TBC1D5: variants seen among roughly 807,000 people sequenced by gnomAD.
The protein encoded by TBC1D5 is TBC1 domain family member 5, also known as TBC1 domain family, member 5.
Under a neutral mutation model 100.3 loss-of-function variants are expected in TBC1D5, and 75 were observed. The ratio of observed to expected loss-of-function variants is 0.75; its 90% confidence interval spans 0.62 to 0.91. TBC1D5 has a LOEUF of 0.91. Ranked by LOEUF, TBC1D5 falls within the 40% of genes least tolerant of loss-of-function variation. The pLI is 0.00. For synonymous variants in TBC1D5, 323 were observed against 325.6 expected (o/e 0.99, Z 0.09); for missense variants, 910 against 942.4 (o/e 0.97, Z 0.45).
intron 15 of TBC1D5, among the ~76,000 whole-genome samples, chr3:17,258,794 T>C (rs1559503908): frequency 1.3e-5 from 2 of 152,160 alleles, no homozygotes; most frequent in Non-Finnish European, 2.9e-5. Context: ...TTTTCCTCTC[T>C]CATAGTTAAT....
exon 6 of TBC1D5, chr3:17,404,891 T>C: frequency 1.3e-6 from 2 of 1,596,260 alleles, no homozygotes; most frequent in Non-Finnish European, 1.7e-6. Context: ...AATGTTGCTA[T>C]ACCATGCTCT....
intron 1 of TBC1D5, among the ~76,000 whole-genome samples, chr3:17,626,380 T>C (rs1247254120): frequency 6.6e-6 from 1 of 152,136 alleles, no homozygotes; most frequent in African/African-American, 2.4e-5. Context: ...AGGCAACCAA[T>C]TAAGATTTAC....
intron 3 of TBC1D5, among the ~76,000 whole-genome samples, chr3:17,502,942 T>C (rs983517897): frequency 6.7e-6 from 1 of 149,686 alleles, no homozygotes; most frequent in Admixed American, 6.6e-5. Context: ...TTTCCATTGA[T>C]ACTTTCCAGT....
chr3:17,293,259 T>A (rs569219655), intron 14 of TBC1D5, among the ~76,000 whole-genome samples: 2 of 152,284 alleles, frequency 1.3e-5, no homozygotes, highest in Admixed American at 1.3e-4. Context: ...TCTCCAGAAA[T>A]TCAAAAAGCT....
At chr3:17,447,663 T>C (rs1321375911) in intron 3 of TBC1D5, among the ~76,000 whole-genome samples, 1 of 152,188 alleles carries the variant, frequency 6.6e-6, no homozygotes, top group Non-Finnish European at 1.5e-5. Context: ...AGAGGGAAAG[T>C]ACAACTTAAT....
intron 14 of TBC1D5, among the ~76,000 whole-genome samples, chr3:17,298,068 T>C (rs573221716): frequency 6.6e-6 from 1 of 152,342 alleles, no homozygotes; most frequent in Non-Finnish European, 1.5e-5. Context: ...TTCATACATT[T>C]GACTCTCTTA....
chr3:17,646,581 C>G (rs2065035197), intron 1 of TBC1D5, among the ~76,000 whole-genome samples: 1 of 152,074 alleles, frequency 6.6e-6, no homozygotes. Flanking sequence ...GTCGATCTTT[C>G]CATTTTTACA....
intron 2 of TBC1D5, among the ~76,000 whole-genome samples, chr3:17,556,991 C>T (rs181819389): frequency 1.2e-4 from 19 of 152,138 alleles, no homozygotes; most frequent in Middle Eastern, 3.4e-3. Flanking sequence ...TTTTATATTG[C>T]TACAAAATTC....
At chr3:17,648,683 C>T (rs1186195176) in intron 1 of TBC1D5, among the ~76,000 whole-genome samples, 1 of 152,118 alleles carries the variant, frequency 6.6e-6, no homozygotes, top group Non-Finnish European at 1.5e-5. Context: ...CAAACAGACA[C>T]TTCTCAAAAG....
chr3:17,712,628 C>T (rs764057434), intron 1 of TBC1D5, among the ~76,000 whole-genome samples: 10 of 152,204 alleles, frequency 6.6e-5, no homozygotes, highest in African/African-American at 9.6e-5. Context: ...ATCGGGAATA[C>T]GAGAGTCCCA....
intron 13 of TBC1D5, among the ~76,000 whole-genome samples, chr3:17,339,391 G>A (rs2151359101): frequency 6.6e-6 from 1 of 152,174 alleles, no homozygotes; most frequent in East Asian, 1.9e-4. Flanking sequence ...TTTATTCCTA[G>A]GAGCCTTTTG....
intron 13 of TBC1D5, among the ~76,000 whole-genome samples, chr3:17,335,158 T>C (rs558622322): frequency 2.6e-4 from 40 of 152,268 alleles, no homozygotes; most frequent in African/African-American, 8.7e-4. Context: ...TTACTAAACA[T>C]ATCTTAACAA....
At chr3:17,685,381 A>T (rs2070118122) in intron 1 of TBC1D5, among the ~76,000 whole-genome samples, 1 of 152,036 alleles carries the variant, frequency 6.6e-6, no homozygotes, top group Admixed American at 6.6e-5. Flanking sequence ...TGTATTAATA[A>T]TTCATCAGAT....
chr3:17,330,625 T>C (rs967682256), intron 13 of TBC1D5, among the ~76,000 whole-genome samples: 16 of 152,126 alleles, frequency 1.1e-4, no homozygotes, highest in Non-Finnish European at 1.8e-4. Flanking sequence ...CAAGCCCATC[T>C]TTTCCACCTT....
chr3:17,663,099 G>A (rs1247587187), intron 1 of TBC1D5: 4 of 151,954 alleles, frequency 2.6e-5, no homozygotes, highest in African/African-American at 9.7e-5. Context: ...AATTTTGTAT[G>A]TACAATGAGG....
chr3:17,456,701 G>A (rs973478228), intron 3 of TBC1D5, among the ~76,000 whole-genome samples: 7 of 152,158 alleles, frequency 4.6e-5, no homozygotes, highest in African/African-American at 1.7e-4. Flanking sequence ...GGCAATGTAA[G>A]TTAGTACAAC....
chr3:17,328,348 C>A (rs914309212), intron 13 of TBC1D5, among the ~76,000 whole-genome samples: 11 of 152,058 alleles, frequency 7.2e-5, no homozygotes, highest in Non-Finnish European at 1.5e-4. Flanking sequence ...GATGAGATAG[C>A]TGTTTTTACA....
Position 17,523,972 on chromosome 3 carries a change from C to T in TBC1D5, c.-35-15367G>A, listed in dbSNP as rs908146598. On this transcript the variant is annotated intron_variant, in intron 2 of 21. Coordinates refer to ENST00000253692, the Ensembl canonical transcript of TBC1D5. ...TTTCTTTAAAGACTTTTTAGGGGTGCAATGATTTTTTAAAAGGTTCAGAAA... is the reference window on the plus strand; with the variant it reads ...TTTCTTTAAAGACTTTTTAGGGGTGTAATGATTTTTTAAAAGGTTCAGAAA... 2.4e-4 allele frequency among the ~76,000 whole-genome samples: 36 copies of T among 152,136 alleles called. 1 individual carries two copies. Among genetic ancestry groups the T allele is most frequent in the Admixed American group, 1.8e-3 (27 of 15,268 alleles).
At chr3:17,613,888 T>A (rs184713021) in intron 2 of TBC1D5, among the ~76,000 whole-genome samples, 1 of 152,246 alleles carries the variant, frequency 6.6e-6, no homozygotes, top group Non-Finnish European at 1.5e-5. Context: ...CTTTTTAGTT[T>A]AATTAGATCC....
Sources: allele counts gnomAD v4.1 joint callset (sites outside exome capture counted in the v4.1 genomes callset), GRCh38; gene constraint gnomAD v4.1.1; transcripts MANE v1.5; gene names NCBI Gene and HGNC (gene_info 2026-07-23, HGNC 2026-07-21).